Variants in PCSK6 observed in about 807,000 individuals in gnomAD.
PCSK6 encodes proprotein convertase subtilisin/kexin type 6.
PCSK6 carries 85 observed loss-of-function variants against 123.3 expected under a neutral mutation model. That is an observed-to-expected ratio of 0.69 (90% confidence interval 0.58 to 0.83). PCSK6 has a LOEUF of 0.83. PCSK6 is among the 40% of genes least tolerant of loss of function. The pLI is 0.00. For missense variants in PCSK6, 1,191 were observed against 1,282.3 expected (o/e 0.93, Z 1.09); for synonymous variants, 508 against 516.0 (o/e 0.98, Z 0.21).
At chr15:101,445,112 G>A (rs2056853579) in intron 1 of PCSK6, among the ~76,000 whole-genome samples, 1 of 152,170 alleles carries the variant, frequency 6.6e-6, no homozygotes, top group African/African-American at 2.4e-5. Context: ...ACAGTCATGA[G>A]GAATCAATGG....
chr15:101,431,292 T>C, intron 4 of PCSK6, 28 bp downstream of exon 4: 1 of 1,612,210 alleles, frequency 6.2e-7, no homozygotes, highest in Non-Finnish European at 8.5e-7. Flanking sequence ...TGAATATATT[T>C]GCATGTCAGT....
chr15:101,468,470 T>G (rs1406728295), intron 1 of PCSK6, among the ~76,000 whole-genome samples: 1 of 152,222 alleles, frequency 6.6e-6, no homozygotes, highest in Non-Finnish European at 1.5e-5. Context: ...CTTAGCAGGA[T>G]GCAAACTCTC....
intron 6 of PCSK6, among the ~76,000 whole-genome samples, chr15:101,401,183 A>T (rs1190151026): frequency 6.6e-6 from 1 of 152,250 alleles, no homozygotes; most frequent in Non-Finnish European, 1.5e-5. Flanking sequence ...GAGGCATAGG[A>T]GACATCAGAA....
intron 2 of PCSK6, among the ~76,000 whole-genome samples, chr15:101,438,280 C>T (rs1402476965): frequency 6.6e-6 from 1 of 152,230 alleles, no homozygotes; most frequent in Non-Finnish European, 1.5e-5. Flanking sequence ...ATACAGGATA[C>T]AGCTTTGTCA....
chr15:101,355,485 C>G (rs905048526), intron 13 of PCSK6, among the ~76,000 whole-genome samples: 1 of 152,240 alleles, frequency 6.6e-6, no homozygotes, highest in Non-Finnish European at 1.5e-5. Context: ...AGTTTGGGCC[C>G]TGTACATAGC....
intron 9 of PCSK6, among the ~76,000 whole-genome samples, chr15:101,387,016 C>T (rs1321030758): frequency 6.6e-6 from 1 of 152,200 alleles, no homozygotes; most frequent in Non-Finnish European, 1.5e-5. Flanking sequence ...TACTCCTTCC[C>T]TGGGCTCACA....
Position 101,443,595 on chromosome 15 carries a change from A to T in PCSK6, c.363T>A (p.Ser121Arg), listed in dbSNP as rs765331265. ...TGAGGAAGGTGTGAGGGCCTCTGCT[A>T]CTCAAGGTTGATCTTTTAAAGGTTT... ...HSKTFKRSTLSSRGPHTFLRM... is the reference protein window; with the variant it reads ...HSKTFKRSTLRSRGPHTFLRM... Residue 121 changes from serine (S) to arginine (R), a missense_variant, in exon 2 of 22, where the codon AGT (serine) becomes AGA (arginine). Ser to Arg is a moderately radical substitution (Grantham distance 110, BLOSUM62 -1). Transcript: ENST00000611716. 6.2e-7 allele frequency: 1 copy of T among 1,613,806 alleles called. No individual in the cohort carries two copies. The highest frequency in any genetic ancestry group is 2.2e-5 in the East Asian group (1 of 44,896).
chr15:101,385,773 T>C (rs1260046402), intron 9 of PCSK6, among the ~76,000 whole-genome samples: 1 of 152,182 alleles, frequency 6.6e-6, no homozygotes, highest in African/African-American at 2.4e-5. Context: ...AGATAACACC[T>C]ACATGTGAAT....
Position 101,324,980 on chromosome 15 carries a change from G to A in PCSK6, c.2247C>T (p.Cys749=), listed in dbSNP as rs1266661008. 1.2e-6 allele frequency: 2 copies of A among 1,612,986 alleles called. No homozygotes were observed. Residue 749 remains cysteine (C), a synonymous_variant, in exon 17 of 22, where the codon TGC becomes TGT. Coordinates refer to ENST00000611716, the MANE Select transcript of PCSK6 (RefSeq NM_002570.5). ...TGGAGCAGGTCTCACACCCCTTGTG[G>A]CACCGGCGACAGCGTCTTGCTGCTG... is the stretch of plus-strand genomic sequence containing the variant. The part of the protein sequence containing the change: ...GDTAARRCRR[C]HKGCETCSSR...
Position 101,358,066 on chromosome 15 carries a change from C to T in PCSK6, c.1858+8130G>A, listed in dbSNP as rs1466115410. Among the ~76,000 whole-genome samples, 3 of 152,174 alleles carry T rather than the reference C, an allele frequency of 2.0e-5. No homozygotes were observed. The East Asian group carries it at 5.8e-4, about 29-fold the overall frequency. The stretch of plus-strand genomic sequence containing the variant: ...TGAGGACTGTCTCGGCCTGACATCC[C>T]CGTCGCTTGCCCAGTGGATCGGGTG... On this transcript the variant is annotated intron_variant, in intron 13 of 21. Coordinates refer to ENST00000611716, the MANE Select transcript of PCSK6 (RefSeq NM_002570.5).
At chr15:101,347,000 C>T (rs2040749890) in intron 13 of PCSK6, 1 of 1,231,532 alleles carries the variant, frequency 8.1e-7, no homozygotes, top group South Asian at 4.1e-5. Context: ...AGATTGACTG[C>T]AATATTAATG....
intron 8 of PCSK6, 45 bp downstream of exon 8, chr15:101,393,167 C>T: frequency 7.1e-7 from 1 of 1,415,638 alleles, no homozygotes; most frequent in Non-Finnish European, 9.9e-7. Flanking sequence ...TCCCAGAGGG[C>T]TGAGGCACTC....
chr15:101,449,229 T>C (rs922627680), intron 1 of PCSK6, among the ~76,000 whole-genome samples: 7 of 152,220 alleles, frequency 4.6e-5, no homozygotes, highest in African/African-American at 1.2e-4. Flanking sequence ...CTACTTATAA[T>C]ACCTAATACA....
intron 1 of PCSK6, among the ~76,000 whole-genome samples, chr15:101,474,950 C>T (rs2057694632): frequency 1.3e-5 from 2 of 152,158 alleles, no homozygotes; most frequent in South Asian, 2.1e-4. Flanking sequence ...GAGTTGTTTT[C>T]GGATGGGATG....
intron 6 of PCSK6, among the ~76,000 whole-genome samples, chr15:101,415,814 T>G (rs2055867129): frequency 6.6e-6 from 1 of 152,234 alleles, no homozygotes; most frequent in South Asian, 2.1e-4. Flanking sequence ...CTGCTTTTGC[T>G]TCCTCCTCAT....
intron 1 of PCSK6, among the ~76,000 whole-genome samples, chr15:101,474,619 C>G (rs1290164416): frequency 6.6e-6 from 1 of 152,174 alleles, no homozygotes; most frequent in East Asian, 1.9e-4. Context: ...CCTTACTGAG[C>G]TGATTTTTCT....
rs562802785 is a variant in PCSK6, at chr15:101,346,570, G to A, written c.1859-14539C>T. On this transcript the variant is annotated intron_variant, in intron 13 of 21. Coordinates refer to ENST00000611716, the MANE Select transcript of PCSK6 (RefSeq NM_002570.5). ...AAATAGGTAATAAAGTCAAATGTTC[G>A]AAAATCAAACACACTTATCTATTCT... 1.7e-3 allele frequency: 553 copies of A among 335,068 alleles called. 3 individuals carry two copies. Among genetic ancestry groups the A allele is most frequent in the Middle Eastern group, 4.8e-3 (6 of 1,244 alleles). 20.8% of individuals were successfully genotyped at this position (335,068 alleles called of 1,614,324 possible).
chr15:101,387,387 G>A (rs945981807), intron 9 of PCSK6, among the ~76,000 whole-genome samples: 4 of 152,322 alleles, frequency 2.6e-5, no homozygotes, highest in South Asian at 2.1e-4. Context: ...ACTCGAAGAC[G>A]GCTACAGCCA....
chr15:101,396,846 C>A (rs1567189891), intron 7 of PCSK6, among the ~76,000 whole-genome samples: 1 of 152,044 alleles, frequency 6.6e-6, no homozygotes, highest in Non-Finnish European at 1.5e-5. Context: ...GTGTCTACAC[C>A]GCCCCTCTTC....
Sources: gnomAD v4.1 joint callset for allele counts (sites outside exome capture counted in the v4.1 genomes callset) on GRCh38, gnomAD v4.1.1 for gene constraint, MANE v1.5 for transcripts, NCBI Gene and HGNC (gene_info 2026-07-23, HGNC 2026-07-21) for gene names.